The following SDK1 variants were observed in gnomAD, a reference collection of about 807,000 sequenced individuals.
SDK1 encodes the protein sidekick cell adhesion molecule 1, also known as protein sidekick-1.
Under a neutral mutation model 245.5 loss-of-function variants are expected in SDK1, and 157 were observed. The ratio of observed to expected loss-of-function variants is 0.64; its 90% confidence interval spans 0.56 to 0.73. The LOEUF (loss-of-function observed/expected upper bound fraction) is 0.73. SDK1 is among the 30% of genes least tolerant of loss of function. The probability of loss-of-function intolerance (pLI) is 0.00; values close to 1 mark genes in which losing one functional copy is unlikely to be tolerated. For missense variants in SDK1, 3,583 were observed against 3,002.3 expected (o/e 1.19, Z -4.52); for synonymous variants, 1,647 against 1,278.5 (o/e 1.29, Z -6.15).
intron 5 of SDK1, among the ~76,000 whole-genome samples, chr7:3,944,363 T>A (rs1439690126): frequency 6.6e-6 from 1 of 152,248 alleles, no homozygotes; most frequent in Non-Finnish European, 1.5e-5. Flanking sequence ...CAAAATAGAA[T>A]TCCTTTCTCT....
intron 1 of SDK1, among the ~76,000 whole-genome samples, chr7:3,332,947 A>G (rs1780105994): frequency 6.6e-6 from 1 of 152,248 alleles, no homozygotes; most frequent in African/African-American, 2.4e-5. Context: ...TTGAAGGCTA[A>G]GTTGAGCCTG....
At chr7:3,644,063 C>A (rs942813134) in intron 4 of SDK1, among the ~76,000 whole-genome samples, 1 of 150,826 alleles carries the variant, frequency 6.6e-6, no homozygotes, top group Non-Finnish European at 1.5e-5. Context: ...TCACCATCCC[C>A]GGCTAATTTT....
chr7:3,847,857 C>T (rs1007153274), intron 5 of SDK1, among the ~76,000 whole-genome samples: 3 of 152,194 alleles, frequency 2.0e-5, no homozygotes, highest in Non-Finnish European at 4.4e-5. Flanking sequence ...ATGTGGAAAA[C>T]ATTTTCTTTG....
At chr7:3,700,998 C>T (rs952509931) in intron 4 of SDK1, among the ~76,000 whole-genome samples, 18 of 152,032 alleles carry the variant, frequency 1.2e-4, no homozygotes, top group Non-Finnish European at 2.4e-4. Flanking sequence ...CTGTGTCGTG[C>T]GCGTGAGCCC....
intron 4 of SDK1, among the ~76,000 whole-genome samples, chr7:3,794,713 G>A (rs41882): frequency 0.089 from 13,556 of 152,104 alleles, 1,880 homozygotes; most frequent in African/African-American, 0.3. Context: ...CTCAGACCCC[G>A]TAATTGTAAG....
intron 1 of SDK1, among the ~76,000 whole-genome samples, chr7:3,492,467 C>T (rs1038213799): frequency 2.0e-5 from 3 of 152,254 alleles, no homozygotes; most frequent in African/African-American, 4.8e-5. Flanking sequence ...ACACTCCAAC[C>T]TGGGCGACAG....
chr7:3,801,448 C>G (rs1779104558), intron 4 of SDK1, among the ~76,000 whole-genome samples: 1 of 152,182 alleles, frequency 6.6e-6, no homozygotes, highest in African/African-American at 2.4e-5. Context: ...CTGACCTCAG[C>G]TGTGCATTCT....
At chr7:3,762,741 G>C (rs1167478566) in intron 4 of SDK1, among the ~76,000 whole-genome samples, 1 of 152,170 alleles carries the variant, frequency 6.6e-6, no homozygotes, top group Non-Finnish European at 1.5e-5. Context: ...ATTAGATGAA[G>C]ACCATGAAGT....
chr7:4,268,716 T>TA lies in SDK1; in HGVS notation c.*3334dup, dbSNP rs1206099197. 1 of 1,367,884 alleles carries TA rather than the reference T, an allele frequency of 7.3e-7. No homozygotes were observed. The highest frequency in any genetic ancestry group is 4.5e-5 in the East Asian group (1 of 21,982). 84.7% of individuals were successfully genotyped at this position (1,367,884 alleles called of 1,614,324 possible). On this transcript the variant is annotated 3_prime_UTR_variant, in exon 45 of 45. Transcript: ENST00000404826. ...CTGACGAGCAACCCGTCTGCGTACCTAAGTGTGGCTCCCCGTGGGTCAGCG... is the reference window on the plus strand; with the variant it reads ...CTGACGAGCAACCCGTCTGCGTACCTAAAGTGTGGCTCCCCGTGGGTCAGCG...
intron 14 of SDK1, among the ~76,000 whole-genome samples, chr7:4,008,606 G>A (rs1785683940): frequency 6.6e-6 from 1 of 152,192 alleles, no homozygotes; most frequent in Non-Finnish European, 1.5e-5. Flanking sequence ...GGGGTGTTCT[G>A]TAATGAACTA....
intron 1 of SDK1, among the ~76,000 whole-genome samples, chr7:3,506,520 A>T (rs1312299047): frequency 1.3e-5 from 2 of 152,172 alleles, no homozygotes; most frequent in African/African-American, 4.8e-5. Context: ...TTGTATTTTC[A>T]AATGCTTTAC....
intron 4 of SDK1, among the ~76,000 whole-genome samples, chr7:3,724,256 C>T (rs905927828): frequency 8.5e-5 from 13 of 152,048 alleles, no homozygotes; most frequent in East Asian, 7.9e-4. Context: ...TGAACCACTG[C>T]GCCCAGCCAA....
intron 1 of SDK1, among the ~76,000 whole-genome samples, chr7:3,587,008 G>C (rs1191706888): frequency 6.6e-6 from 1 of 152,154 alleles, no homozygotes; most frequent in South Asian, 2.1e-4. Context: ...TTGAGGTGGA[G>C]GAGGAGGAGG....
At chr7:4,232,384 CTTTTTTT>C (rs1785835170) in intron 40 of SDK1, among the ~76,000 whole-genome samples, 2 of 92,876 alleles carry the variant, frequency 2.2e-5, no homozygotes, top group African/African-American at 7.9e-5. Context: ...TTCCTTTTTT[CTTTTTTT>C]CTTTTCTTTT....
intron 1 of SDK1, among the ~76,000 whole-genome samples, chr7:3,493,913 C>G (rs371234113): frequency 6.6e-6 from 1 of 152,238 alleles, no homozygotes; most frequent in East Asian, 1.9e-4. Flanking sequence ...AATATCAATT[C>G]AAGCAGCTCA....
intron 1 of SDK1, among the ~76,000 whole-genome samples, chr7:3,585,014 G>A (rs1780639145): frequency 1.3e-5 from 2 of 152,060 alleles, no homozygotes; most frequent in African/African-American, 4.8e-5. Context: ...GTGAGCCACC[G>A]CGCCCAGCCA....
chr7:4,003,911 T>G (rs1785264920), intron 14 of SDK1, among the ~76,000 whole-genome samples: 1 of 152,180 alleles, frequency 6.6e-6, no homozygotes, highest in Non-Finnish European at 1.5e-5. Context: ...CAAGACAAGC[T>G]CATCTTCTCC....
chr7:3,348,956 G>T (rs771812387), intron 1 of SDK1, among the ~76,000 whole-genome samples: 58 of 152,286 alleles, frequency 3.8e-4, no homozygotes, highest in Non-Finnish European at 5.6e-4. Flanking sequence ...AGCTTGTCAT[G>T]TTGTCAGACT....
At chr7:4,222,243 C>T (rs988253582) in intron 40 of SDK1, among the ~76,000 whole-genome samples, 3 of 152,184 alleles carry the variant, frequency 2.0e-5, no homozygotes, top group Non-Finnish European at 2.9e-5. Flanking sequence ...TCCCTCCTCC[C>T]CCACCAAATT....
Sources: allele counts gnomAD v4.1 joint callset (sites outside exome capture counted in the v4.1 genomes callset), GRCh38; gene constraint gnomAD v4.1.1; transcripts MANE v1.5; gene names NCBI Gene and HGNC (gene_info 2026-07-23, HGNC 2026-07-21).